The following GPC5 variants were observed in gnomAD, a reference collection of about 807,000 sequenced individuals.
GPC5 encodes the protein glypican-5.
In GPC5, 47 loss-of-function variants were observed where a neutral mutation model predicts 53.9. The observed-to-expected ratio is 0.87, with a 90% CI of 0.69 to 1.11. The LOEUF is 1.11. GPC5 is among the 50% of genes most tolerant of loss of function. GPC5 has a pLI of 0.00. For missense variants in GPC5, 748 were observed against 713.1 expected (o/e 1.05, Z -0.56); for synonymous variants, 286 against 263.3 (o/e 1.09, Z -0.84).
chr13:92,072,032 T>G (rs2138866756), intron 6 of GPC5, among the ~76,000 whole-genome samples: 1 of 146,322 alleles, frequency 6.8e-6, no homozygotes. Flanking sequence ...CATATGTATA[T>G]AAAATAATAC....
intron 6 of GPC5, among the ~76,000 whole-genome samples, chr13:92,045,008 G>A (rs951978098): frequency 6.6e-6 from 1 of 152,102 alleles, no homozygotes; most frequent in Non-Finnish European, 1.5e-5. Context: ...GAAATATATA[G>A]CAAGTCAGAG....
At chr13:92,359,045 G>A (rs888262296) in intron 7 of GPC5, among the ~76,000 whole-genome samples, 8 of 151,670 alleles carry the variant, frequency 5.3e-5, no homozygotes, top group African/African-American at 2.0e-4. Context: ...CCAAACTTGT[G>A]TGTTCTGCTT....
At chr13:92,556,952 T>C (rs1157475678) in intron 7 of GPC5, among the ~76,000 whole-genome samples, 2 of 151,910 alleles carry the variant, frequency 1.3e-5, no homozygotes, top group African/African-American at 4.8e-5. Flanking sequence ...GAGTTTCTCA[T>C]TGCCAGCTCT....
chr13:91,972,535 T>C (rs1202317845), intron 6 of GPC5, among the ~76,000 whole-genome samples: 1 of 152,196 alleles, frequency 6.6e-6, no homozygotes, highest in Non-Finnish European at 1.5e-5. Flanking sequence ...ATTTTGCTTG[T>C]TAGTTGATAC....
chr13:92,853,272 C>T (rs971297518), intron 7 of GPC5, among the ~76,000 whole-genome samples: 4 of 152,090 alleles, frequency 2.6e-5, no homozygotes, highest in Non-Finnish European at 5.9e-5. Context: ...AAGTACACTA[C>T]AATGAGGTAT....
chr13:92,393,464 A>T (rs754611343), intron 7 of GPC5, among the ~76,000 whole-genome samples: 13 of 152,170 alleles, frequency 8.5e-5, no homozygotes, highest in Non-Finnish European at 1.6e-4. Context: ...AGCCTGGCCA[A>T]CATGGCGAAA....
At chr13:91,860,447 ATC>A (rs56677811) in intron 5 of GPC5, among the ~76,000 whole-genome samples, 28,022 of 150,010 alleles carry the variant, frequency 0.19, 2,872 homozygotes, top group East Asian at 0.3. Flanking sequence ...ATATATATAT[ATC>A]TATCCTTCCT....
At chr13:92,347,902 A>ATATATAT (rs2043436114) in intron 7 of GPC5, among the ~76,000 whole-genome samples, 9 of 10,932 alleles carry the variant, frequency 8.2e-4, no homozygotes, top group Non-Finnish European at 1.1e-3. Flanking sequence ...TATATATATA[A>ATATATAT]TATATATATA....
At chr13:91,727,141 A>G (rs1239094832) in intron 3 of GPC5, among the ~76,000 whole-genome samples, 1 of 152,210 alleles carries the variant, frequency 6.6e-6, no homozygotes, top group African/African-American at 2.4e-5. Flanking sequence ...TCAACTGTGT[A>G]CATGAGGCCA....
chr13:92,034,852 T>C (rs1231885546), intron 6 of GPC5, among the ~76,000 whole-genome samples: 2 of 152,178 alleles, frequency 1.3e-5, no homozygotes, highest in Non-Finnish European at 2.9e-5. Flanking sequence ...CATCTGTGTA[T>C]GTTACCTCTG....
intron 7 of GPC5, among the ~76,000 whole-genome samples, chr13:92,735,627 C>A (rs531793728): frequency 1.3e-5 from 2 of 151,838 alleles, no homozygotes; most frequent in African/African-American, 4.8e-5. Flanking sequence ...AAATGTTATC[C>A]ACATCATATT....
intron 5 of GPC5, among the ~76,000 whole-genome samples, chr13:91,791,545 C>G (rs1157298197): frequency 6.6e-6 from 1 of 151,510 alleles, no homozygotes; most frequent in Admixed American, 6.6e-5. Flanking sequence ...TAGTGTGACC[C>G]AACTGTATTG....
intron 6 of GPC5, among the ~76,000 whole-genome samples, chr13:92,057,207 T>G (rs2041081886): frequency 6.6e-6 from 1 of 152,162 alleles, no homozygotes; most frequent in Non-Finnish European, 1.5e-5. Flanking sequence ...AGAAGTCCAA[T>G]TCTTTTGACA....
In GPC5 at chr13:92,149,102, A is replaced by C. The variant is rs780546004; in HGVS notation, c.1561+4113A>C. 1.2e-4 allele frequency among the ~76,000 whole-genome samples: 18 copies of C among 152,188 alleles called. 1 individual carries two copies. Among genetic ancestry groups the C allele is most frequent in the Middle Eastern group, 6.8e-3 (2 of 294 alleles). Reference sequence around the variant, plus strand: ...TGCATCTGATCACAACTAGAACCAGATACCAGACACTTTTAAAAAGTAAGG... The same window carrying C: ...TGCATCTGATCACAACTAGAACCAGCTACCAGACACTTTTAAAAAGTAAGG... On this transcript the variant is annotated intron_variant, in intron 7 of 7. Coordinates refer to ENST00000377067, the MANE Select transcript of GPC5 (RefSeq NM_004466.6).
At chr13:91,784,430 A>G (rs568892414) in intron 5 of GPC5, among the ~76,000 whole-genome samples, 47 of 152,230 alleles carry the variant, frequency 3.1e-4, no homozygotes, top group African/African-American at 1.1e-3. Context: ...CCCACTTAAA[A>G]TTACCTATTT....
chr13:92,072,801 C>A (rs6492579), intron 6 of GPC5, among the ~76,000 whole-genome samples: 1 of 151,360 alleles, frequency 6.6e-6, no homozygotes, highest in Non-Finnish European at 1.5e-5. Context: ...GAATTCCTGC[C>A]CTGAAGCGAT....
intron 7 of GPC5, among the ~76,000 whole-genome samples, chr13:92,232,758 A>C (rs780851713): frequency 2.3e-4 from 34 of 149,294 alleles, no homozygotes; most frequent in Non-Finnish European, 4.0e-4. Context: ...AGTGGATCTA[A>C]TCTAAGCTTT....
chr13:91,584,953 G>T (rs562592336), intron 2 of GPC5, among the ~76,000 whole-genome samples: 1 of 152,096 alleles, frequency 6.6e-6, no homozygotes, highest in South Asian at 2.1e-4. Flanking sequence ...GTGGATGTTT[G>T]CAACATGCAT....
At chr13:91,454,795 T>G (rs2139118717) in intron 2 of GPC5, among the ~76,000 whole-genome samples, 1 of 152,174 alleles carries the variant, frequency 6.6e-6, no homozygotes, top group Admixed American at 6.6e-5. Flanking sequence ...TCATTCTAGA[T>G]TCACCTGCTT....
Sources: gnomAD v4.1 joint callset for allele counts (sites outside exome capture counted in the v4.1 genomes callset) on GRCh38, gnomAD v4.1.1 for gene constraint, MANE v1.5 for transcripts, NCBI Gene and HGNC (gene_info 2026-07-23, HGNC 2026-07-21) for gene names.